Variants in SPAST observed in about 807,000 individuals in gnomAD.
The protein encoded by SPAST is spastic paraplegia 4 (autosomal dominant; spastin).
A neutral mutation model predicts 76.6 loss-of-function variants in SPAST; 30 were observed. The observed-to-expected ratio is 0.39, with a 90% CI of 0.29 to 0.53. The LOEUF (loss-of-function observed/expected upper bound fraction) is 0.53, where lower values mean the gene tolerates loss of function less well. Ranked by LOEUF, SPAST falls within the 20% of genes least tolerant of loss-of-function variation. The probability of loss-of-function intolerance (pLI) is 0.68; values close to 1 mark genes in which losing one functional copy is unlikely to be tolerated. For synonymous variants in SPAST, 305 were observed against 281.0 expected, an observed-to-expected ratio of 1.09 and a Z score of -0.86; for missense variants, 717 against 770.5, an observed-to-expected ratio of 0.93 and a Z score of 0.82.
At chr2:32,090,574 A>G (rs1248212817) in intron 3 of SPAST, among the ~76,000 whole-genome samples, 3 of 152,292 alleles carry the variant, frequency 2.0e-5, no homozygotes, top group East Asian at 1.9e-4. Context: ...CCAAATTTCT[A>G]ATTTTCTCAA....
intron 3 of SPAST, among the ~76,000 whole-genome samples, chr2:32,098,386 C>G (rs562540369): frequency 1.3e-5 from 2 of 152,110 alleles, no homozygotes; most frequent in African/African-American, 4.8e-5. Flanking sequence ...AACTTGAGCT[C>G]AGGGAGTTGA....
intron 16 of SPAST, among the ~76,000 whole-genome samples, chr2:32,148,645 T>TA (rs1679974283): frequency 6.6e-6 from 1 of 151,838 alleles, no homozygotes; most frequent in African/African-American, 2.4e-5. Context: ...CTGTCTCCAC[T>TA]AAAAAATACA....
intron 7 of SPAST, among the ~76,000 whole-genome samples, chr2:32,116,424 A>T (rs889045293): frequency 1.3e-5 from 2 of 152,204 alleles, no homozygotes; most frequent in Non-Finnish European, 2.9e-5. Flanking sequence ...CTAATTTCCA[A>T]TCCTTTTATA....
chr2:32,153,324 T>C (rs1273948209), intron 16 of SPAST, among the ~76,000 whole-genome samples: 6 of 145,548 alleles, frequency 4.1e-5, no homozygotes, highest in African/African-American at 1.3e-4. Context: ...CTTAATTTTT[T>C]TTTTTTTTTT....
At chr2:32,090,330 G>C (rs901121522) in intron 3 of SPAST, among the ~76,000 whole-genome samples, 9 of 152,198 alleles carry the variant, frequency 5.9e-5, no homozygotes, top group Non-Finnish European at 1.0e-4. Flanking sequence ...TTACTGTCTG[G>C]CCCTGAGAAA....
In SPAST at chr2:32,063,733, G is replaced by A; in HGVS notation, c.-99G>A. On this transcript the variant is annotated 5_prime_UTR_variant, in exon 1 of 17. Transcript: ENST00000315285. ...CTCCTGAGACCGGCGGGCACACGGG[G>A]GTCTGTGGCCCCCGCCGTAGCAGTG... 8 of 1,471,908 alleles carry A rather than the reference G, an allele frequency of 5.4e-6. No individual in the cohort carries two copies. The highest frequency in any genetic ancestry group is 4.1e-5 in the Admixed American group (2 of 48,900). The allele number at this position is 1,471,908 out of a possible 1,614,324, so 91.2% of individuals were successfully genotyped here. A position where few individuals can be genotyped will look rare whatever the true frequency, so the allele number is the denominator to read the frequency against.
chr2:32,123,896 C>T (rs565294019), intron 7 of SPAST, among the ~76,000 whole-genome samples: 20 of 151,946 alleles, frequency 1.3e-4, no homozygotes, highest in African/African-American at 4.3e-4. Flanking sequence ...ATGTAACATG[C>T]GAACTGAAAC....
intron 16 of SPAST, among the ~76,000 whole-genome samples, chr2:32,150,422 T>C (rs904398271): frequency 2.0e-5 from 3 of 151,194 alleles, no homozygotes; most frequent in African/African-American, 7.3e-5. Context: ...TTATTTAATT[T>C]AATTTAATTT....
intron 1 of SPAST, among the ~76,000 whole-genome samples, chr2:32,073,405 T>C (rs1676828614): frequency 6.6e-6 from 1 of 152,208 alleles, no homozygotes; most frequent in Non-Finnish European, 1.5e-5. Flanking sequence ...CTCTCTCTGT[T>C]CCACCCAGTA....
At position 32,136,270 on chromosome 2, in the gene SPAST, C is replaced by G. The variant is rs150839368; in HGVS notation, c.1246-293C>G. 1.7e-3 allele frequency among the ~76,000 whole-genome samples: 263 copies of G among 152,240 alleles called. 2 individuals carry two copies. Among genetic ancestry groups the G allele is most frequent in the African/African-American group, 5.9e-3 (247 of 41,538 alleles). On this transcript the variant is annotated intron_variant, in intron 9 of 16. Coordinates refer to ENST00000315285, the MANE Select transcript of SPAST (RefSeq NM_014946.4). ...TTCTCTCCCCTAGTCTTCCCCTTTT[C>G]TCACTAGTTATATCCTTGACTGAAG...
chr2:32,137,114 G>A lies in SPAST; in HGVS notation c.1419G>A (p.Gln473=), dbSNP rs778401076. The A allele has an allele frequency of 3.1e-6, 5 of 1,613,432 alleles. No homozygotes were observed. In the Admixed American group the frequency reaches 6.7e-5, roughly 22 times the overall value. ...TEFLIEFDGV[Q]SAGDDRVLVM... ...AAAAGATTTTTTGCTTGTAGGTACA[G>A]TCTGCTGGAGATGACAGAGTACTTG... Residue 473 remains glutamine, a synonymous_variant, in exon 12 of 17, where the codon CAG becomes CAA. Transcript: ENST00000315285.
At chr2:32,146,402 A>C (rs1679886526) in intron 15 of SPAST, among the ~76,000 whole-genome samples, 2 of 151,906 alleles carry the variant, frequency 1.3e-5, no homozygotes, top group South Asian at 4.2e-4. Flanking sequence ...CTACAAAAAA[A>C]TATAATAAAT....
rs150087615 is a variant in SPAST at position 32,077,335 on chromosome 2, A to G, written c.416-10157A>G. Among the ~76,000 whole-genome samples the G allele has an allele frequency of 5.1e-3, 773 of 152,316 alleles. 3 individuals are homozygous for G. The highest frequency in any genetic ancestry group is 6.8e-3 in the Middle Eastern group (2 of 294). On this transcript the variant is annotated intron_variant, in intron 1 of 16. Coordinates refer to ENST00000315285, the MANE Select transcript of SPAST (RefSeq NM_014946.4). ...GTAAAACTGGTGGGCTTTATATAAC[A>G]TAGATGAGCAAATGTCAGGAACATA...
chr2:32,073,768 A>G (rs1676845286), intron 1 of SPAST, among the ~76,000 whole-genome samples: 1 of 152,220 alleles, frequency 6.6e-6, no homozygotes. Context: ...AACATCTTTG[A>G]ACACTGTCAC....
At chr2:32,115,282 A>G (rs1678785988) in intron 5 of SPAST, among the ~76,000 whole-genome samples, 1 of 152,130 alleles carries the variant, frequency 6.6e-6, no homozygotes, top group Non-Finnish European at 1.5e-5. Flanking sequence ...GCAACTTGCT[A>G]TAAAACTTTT....
At chr2:32,149,812 C>T (rs1315699084) in intron 16 of SPAST, among the ~76,000 whole-genome samples, 2 of 152,030 alleles carry the variant, frequency 1.3e-5, no homozygotes, top group East Asian at 1.9e-4. Flanking sequence ...GGACTTTAAG[C>T]GTTTGCGGAT....
chr2:32,089,076 C>A (rs1206278798), intron 2 of SPAST, among the ~76,000 whole-genome samples: 2 of 151,816 alleles, frequency 1.3e-5, no homozygotes, highest in African/African-American at 4.8e-5. Flanking sequence ...TATATGTATT[C>A]TTTGAGACAG....
At chr2:32,091,554 C>T (rs1379271642) in intron 3 of SPAST, among the ~76,000 whole-genome samples, 5 of 147,200 alleles carry the variant, frequency 3.4e-5, no homozygotes, top group South Asian at 2.3e-4. Context: ...TGGGATAGGC[C>T]GGGCACGGTG....
At chr2:32,146,662 C>G (rs1227986451) in intron 15 of SPAST, among the ~76,000 whole-genome samples, 1 of 151,772 alleles carries the variant, frequency 6.6e-6, no homozygotes, top group Non-Finnish European at 1.5e-5. Flanking sequence ...GTCAGGAGTT[C>G]GAGACCAGCT....
Sources: allele counts gnomAD v4.1 joint callset (sites outside exome capture counted in the v4.1 genomes callset), GRCh38; gene constraint gnomAD v4.1.1; transcripts MANE v1.5; gene names NCBI Gene and HGNC (gene_info 2026-07-23, HGNC 2026-07-21).